The following ZNF175 variants were observed in gnomAD, a reference collection of about 807,000 sequenced individuals.
ZNF175 encodes the protein zinc finger protein OTK18.
Under a neutral mutation model 14.0 loss-of-function variants are expected in ZNF175, and 8 were observed. The ratio of observed to expected loss-of-function variants is 0.57; its 90% CI spans 0.34 to 1.03. The LOEUF (loss-of-function observed/expected upper bound fraction) is 1.03, where lower values mean the gene tolerates loss of function less well. Ranked by LOEUF, ZNF175 falls within the 50% of genes least tolerant of loss-of-function variation. ZNF175 has a pLI of 0.03. For missense variants in ZNF175, 764 were observed against 849.5 expected (o/e 0.90, Z 1.25); for synonymous variants, 255 against 296.8 (o/e 0.86, Z 1.45).
chr19:51,586,773 G>A lies in ZNF175; in HGVS notation c.442G>A (p.Asp148Asn). 1 of 1,614,172 alleles carries A rather than the reference G, an allele frequency of 6.2e-7. No homozygotes were observed. The highest frequency in any genetic ancestry group is 8.5e-7 in the Non-Finnish European group (1 of 1,180,012). The change falls in exon 5 of 5, where the codon GAT (aspartate) becomes AAT (asparagine). Residue 148 changes from aspartate to asparagine, a missense_variant. Transcript: ENST00000262259. ...LRLDADRTKK[D>N]EQNQIQPMSH... Reference sequence around the variant, plus strand: ...GCTGGATGCTGACCGCACAAAGAAAGATGAGCAAAATCAAATTCAACCCAT... The same window carrying A: ...GCTGGATGCTGACCGCACAAAGAAAAATGAGCAAAATCAAATTCAACCCAT...
chr19:51,576,285 G>A (rs1411855628), intron 2 of ZNF175, among the ~76,000 whole-genome samples: 1 of 151,906 alleles, frequency 6.6e-6, no homozygotes, highest in Non-Finnish European at 1.5e-5. Flanking sequence ...GAGTAGCTGG[G>A]ATTACAGGCA....
intron 4 of ZNF175, 90 bp downstream of exon 4, chr19:51,581,972 G>A: frequency 8.3e-7 from 1 of 1,207,574 alleles, no homozygotes; most frequent in South Asian, 1.3e-5. Flanking sequence ...CATTCCCCCA[G>A]TGATGGCCCG....
intron 2 of ZNF175, among the ~76,000 whole-genome samples, chr19:51,579,466 G>A (rs1981925598): frequency 6.6e-6 from 1 of 151,872 alleles, no homozygotes; most frequent in Admixed American, 6.6e-5. Context: ...TTTTAACCCA[G>A]TAGAAAACTG....
At chr19:51,583,261 T>C (rs1300810558) in intron 4 of ZNF175, among the ~76,000 whole-genome samples, 7 of 152,220 alleles carry the variant, frequency 4.6e-5, no homozygotes, top group Admixed American at 4.6e-4. Context: ...CTCTAGTCCC[T>C]GTGCTTAAAC....
intron 4 of ZNF175, among the ~76,000 whole-genome samples, chr19:51,583,826 G>A (rs1982088104): frequency 6.6e-6 from 1 of 152,046 alleles, no homozygotes; most frequent in Admixed American, 6.6e-5. Context: ...TTTGTATGTT[G>A]TTTAATGTCT....
intron 2 of ZNF175, among the ~76,000 whole-genome samples, chr19:51,574,735 G>A (rs996081866): frequency 1.3e-5 from 2 of 152,150 alleles, no homozygotes; most frequent in African/African-American, 2.4e-5. Flanking sequence ...ATGCACAAAC[G>A]TTTCTCTCAT....
intron 4 of ZNF175, 52 bp downstream of exon 4, chr19:51,581,934 C>T (rs1282004253): frequency 2.0e-6 from 3 of 1,523,322 alleles, no homozygotes; most frequent in Non-Finnish European, 2.7e-6. Flanking sequence ...GGAACCATTA[C>T]CAGTCTACCA....
At position 51,589,814 on chromosome 19, in the gene ZNF175, G is replaced by T. The variant is rs924566230; in HGVS notation, c.*1347G>T. ...TTGGCGGAGATCAAATAGCCCCCAAGCTGGAAACTGAAAATATCTACTCTC... is the reference window on the plus strand; with the variant it reads ...TTGGCGGAGATCAAATAGCCCCCAATCTGGAAACTGAAAATATCTACTCTC... On this transcript the variant is annotated 3_prime_UTR_variant, in exon 5 of 5. Transcript: ENST00000262259. The T allele has an allele frequency of 1.8e-6, 1 of 552,540 alleles. No homozygotes were observed. The highest frequency in any genetic ancestry group is 3.5e-5 in the Admixed American group (1 of 28,718). 34.2% of individuals were successfully genotyped at this position (552,540 alleles called of 1,614,324 possible).
In ZNF175 at chr19:51,590,963, G is replaced by A. The variant is rs1982326661; in HGVS notation, c.*2496G>A. The A allele has an allele frequency of 6.6e-6, 1 of 152,130 alleles. No individual in the cohort carries two copies. The highest frequency in any genetic ancestry group is 1.5e-5 in the Non-Finnish European group (1 of 68,150). 9.4% of individuals were successfully genotyped at this position (152,130 alleles called of 1,614,324 possible). A position where few individuals can be genotyped will look rare whatever the true frequency, so the allele number is the denominator to read the frequency against. ...ACTGGTTCCAAAGACCCCTCAGGAT[G>A]TGCCTCCCTTCTCAGATCTGGGCTT... On this transcript the variant is annotated 3_prime_UTR_variant, in exon 5 of 5. Transcript: ENST00000262259.
Position 51,588,770 on chromosome 19 carries a change from T to C in ZNF175, c.*303T>C, listed in dbSNP as rs1421519412. On this transcript the variant is annotated 3_prime_UTR_variant, in exon 5 of 5. Transcript: ENST00000262259. ...TTGAGAAAAGCCTTTCTGTAAAGAA[T>C]GGTACAAGACAGGTTGTTACTCGAT... The C allele has an allele frequency of 7.0e-6, 3 of 426,658 alleles. No homozygotes were observed. The highest frequency in any genetic ancestry group is 2.0e-5 in the African/African-American group (1 of 48,794). 26.4% of individuals were successfully genotyped at this position (426,658 alleles called of 1,614,324 possible).
At position 51,587,664 on chromosome 19, in the gene ZNF175, A is replaced by G. The variant is rs1249923788; in HGVS notation, c.1333A>G (p.Lys445Glu). The change falls in exon 5 of 5, where the codon AAG becomes GAG. Residue 445 changes from lysine (K) to glutamate (E), a missense_variant. By Grantham distance (56) the Lys-to-Glu change is moderately conservative. Coordinates refer to ENST00000262259, the MANE Select transcript of ZNF175 (RefSeq NM_007147.4). ...SLHQRIHSGQ[K>E]SYVCIECGQA... ...GCACCAGAGAATCCACTCAGGGCAG[A>G]AGTCCTATGTGTGTATCGAATGCGG... is the stretch of plus-strand genomic sequence containing the variant. 6.2e-7 allele frequency: 1 copy of G among 1,614,122 alleles called. No individual in the cohort carries two copies. The highest frequency in any genetic ancestry group is 1.7e-5 in the Admixed American group (1 of 60,026).
chr19:51,573,659 G>A, intron 2 of ZNF175: 1 of 468,780 alleles, frequency 2.1e-6, no homozygotes. Flanking sequence ...AGAAGCCCCA[G>A]TCATAGGATG....
intron 1 of ZNF175, among the ~76,000 whole-genome samples, chr19:51,571,772 G>A (rs7249019): frequency 4.2e-4 from 64 of 152,286 alleles, no homozygotes; most frequent in African/African-American, 1.5e-3. Flanking sequence ...CACTGTCCGT[G>A]GGACTAGGGG....
At chr19:51,581,370 A>G in intron 2 of ZNF175, 21 bp from the exon 3 acceptor site, 1 of 1,614,160 alleles carries the variant, frequency 6.2e-7, no homozygotes, top group Non-Finnish European at 8.5e-7. Context: ...ATTCACAGTG[A>G]GCTGGGGTAC....
At position 51,581,400 on chromosome 19, in the gene ZNF175, T is replaced by C. The variant is rs752948132; in HGVS notation, c.82T>C (p.Ser28Pro). The C allele has an allele frequency of 4.7e-5, 76 of 1,613,926 alleles. No individual in the cohort carries two copies. The highest frequency in any genetic ancestry group is 6.2e-5 in the Non-Finnish European group (73 of 1,180,014). ...KQDGSCEASV[S>P]FEDVTVDFSR... ...GGGTACACTGTTACAGGCATCAGTG[T>C]CATTTGAGGACGTGACCGTGGACTT... Residue 28 changes from serine to proline, a missense_variant, in exon 3 of 5, where the codon TCA (serine) becomes CCA (proline). Physicochemically the swap from Ser to Pro is moderately conservative, Grantham distance 74. Transcript: ENST00000262259.
chr19:51,589,946 C>A lies in ZNF175; in HGVS notation c.*1479C>A. 3.9e-6 allele frequency: 1 copy of A among 257,888 alleles called. No individual in the cohort carries two copies. Among genetic ancestry groups the A allele is most frequent in the African/African-American group, 2.2e-5 (1 of 45,360 alleles). 16.0% of individuals were successfully genotyped at this position (257,888 alleles called of 1,614,324 possible). ...TCATATACCTGTGTAAGTACTCTTT[C>A]ATTGATTTATAAAACTCAGATCTCT... On this transcript the variant is annotated 3_prime_UTR_variant, in exon 5 of 5. Transcript: ENST00000262259.
In ZNF175 at chr19:51,588,516, TTGAAGAAGAGA is replaced by T; in HGVS notation, c.*50_*60del. Reference sequence around the variant, plus strand: ...ATAAATGAAATATACTCCGAGTTTCTTGAAGAAGAGAAAATCTTCTCAGAATCAGGTCTAAT... The same window carrying T: ...ATAAATGAAATATACTCCGAGTTTCTAAATCTTCTCAGAATCAGGTCTAAT... On this transcript the variant is annotated 3_prime_UTR_variant, in exon 5 of 5. Coordinates refer to ENST00000262259, the MANE Select transcript of ZNF175 (RefSeq NM_007147.4). 2.0e-6 allele frequency: 3 copies of T among 1,495,864 alleles called. No individual in the cohort carries two copies. The highest frequency in any genetic ancestry group is 2.7e-6 in the Non-Finnish European group (3 of 1,131,376). 92.7% of individuals were successfully genotyped at this position (1,495,864 alleles called of 1,614,324 possible). A position where few individuals can be genotyped will look rare whatever the true frequency, so the allele number is the denominator to read the frequency against.
At chr19:51,581,327 T>C in intron 2 of ZNF175, 64 bp from the exon 3 acceptor site, 4 of 1,612,996 alleles carry the variant, frequency 2.5e-6, no homozygotes, top group Middle Eastern at 1.7e-4. Flanking sequence ...GTTCCTCCTA[T>C]ATGTGCCATC....
intron 1 of ZNF175, among the ~76,000 whole-genome samples, chr19:51,571,798 G>T (rs1234223527): frequency 6.6e-6 from 1 of 152,148 alleles, no homozygotes; most frequent in Non-Finnish European, 1.5e-5. Context: ...GTGATTGATT[G>T]GCAGCCAAGA....
Sources: allele counts gnomAD v4.1 joint callset (sites outside exome capture counted in the v4.1 genomes callset), GRCh38; gene constraint gnomAD v4.1.1; transcripts MANE v1.5; gene names NCBI Gene and HGNC (gene_info 2026-07-23, HGNC 2026-07-21).